Variants in SCGB2A1 observed in about 807,000 individuals in gnomAD.
SCGB2A1 encodes the protein mammaglobin-B.
SCGB2A1 carries 6 observed loss-of-function variants against 9.2 expected under a neutral mutation model. The observed-to-expected ratio is 0.66, with a 90% CI of 0.36 to 1.29. The LOEUF (loss-of-function observed/expected upper bound fraction) is 1.29, where lower values mean the gene tolerates loss of function less well. SCGB2A1 is among the 50% of genes most tolerant of loss of function. SCGB2A1 has a pLI of 0.03. For missense variants in SCGB2A1, 138 were observed against 116.9 expected (o/e 1.18, Z -0.83); for synonymous variants, 37 against 41.0 (o/e 0.90, Z 0.37).
At chr11:62,211,411 T>A (rs12287330) in intron 2 of SCGB2A1, among the ~76,000 whole-genome samples, 4,181 of 151,830 alleles carry the variant, frequency 0.028, 190 homozygotes, top group African/African-American at 0.096. Flanking sequence ...AAGAAAAAAA[T>A]TTTTTTGAGA....
At chr11:62,209,635 ATGTGTGTGTGTGTGTGTGTGTGTGTGTG>A (rs60357410) in intron 1 of SCGB2A1, among the ~76,000 whole-genome samples, 1 of 142,104 alleles carries the variant, frequency 7.0e-6, no homozygotes, top group Non-Finnish European at 1.5e-5. Flanking sequence ...TTTCACATTC[ATGTGTGTGTGTGTGTGTGTGTGTGTGTG>A]TGTGTGTGTG....
At position 62,211,930 on chromosome 11, in the gene SCGB2A1, C is replaced by T. The variant is rs949457410; in HGVS notation, c.243+1330C>T. ...GTTACGAGTTTTGTTTTTTGTTTTTCGTTTTTTTCGAGATGGAGTTTAGCT... is the reference window on the plus strand; with the variant it reads ...GTTACGAGTTTTGTTTTTTGTTTTTTGTTTTTTTCGAGATGGAGTTTAGCT... On this transcript the variant is annotated intron_variant, in intron 2 of 2. Coordinates refer to ENST00000244930, the MANE Select transcript of SCGB2A1 (RefSeq NM_002407.3). Among the ~76,000 whole-genome samples, 10 of 151,798 alleles carry T rather than the reference C, an allele frequency of 6.6e-5. No homozygotes were observed. In the East Asian group the frequency reaches 1.6e-3, roughly 24 times the overall value.
chr11:62,212,953 T>C (rs560812292), intron 2 of SCGB2A1, among the ~76,000 whole-genome samples: 184 of 84,306 alleles, frequency 2.2e-3, no homozygotes, highest in African/African-American at 5.1e-3. Flanking sequence ...TGTACACACA[T>C]ATGTACACAT....
At chr11:62,213,092 A>ACG in intron 2 of SCGB2A1, among the ~76,000 whole-genome samples, 1 of 5,582 alleles carries the variant, frequency 1.8e-4, no homozygotes, top group South Asian at 0.071. Flanking sequence ...ATATATACAC[A>ACG]TATATATATA....
At position 62,213,101 on chromosome 11, in the gene SCGB2A1, TATATA is replaced by T. The variant is rs1565121600; in HGVS notation, c.244-624_244-620del. 2.0e-3 allele frequency among the ~76,000 whole-genome samples: 83 copies of T among 42,304 alleles called. 7 individuals are homozygous for T. The highest frequency in any genetic ancestry group is 4.0e-3 in the African/African-American group (79 of 19,620). The allele number at this position is 42,304 out of a possible 152,430, so 27.8% of individuals were successfully genotyped here. A position where few individuals can be genotyped will look rare whatever the true frequency, so the allele number is the denominator to read the frequency against. On this transcript the variant is annotated intron_variant, in intron 2 of 2. Transcript: ENST00000244930. ...ATACACATATATACACATATATATA[TATATA>T]TTTTTTTTTTTGTAGAGATGGCATT...
rs1944819583 is a variant in SCGB2A1 at position 62,210,407 on chromosome 11, T to C, written c.56-6T>C. ...GTGTCTTTTTTTTTTTTTTTTTTTT[T>C]TCCAGATTCTGGCTGCAAACTCCTG... On this transcript the variant is annotated splice_region_variant and splice_polypyrimidine_tract_variant and intron_variant, in intron 1 of 2. Coordinates refer to ENST00000244930, the MANE Select transcript of SCGB2A1 (RefSeq NM_002407.3). The C allele has an allele frequency of 3.3e-6, 5 of 1,507,830 alleles. No individual in the cohort carries two copies. Among genetic ancestry groups the C allele is most frequent in the South Asian group, 1.4e-5 (1 of 73,428 alleles). The allele number at this position is 1,507,830 out of a possible 1,614,324, so 93.4% of individuals were successfully genotyped here. A position where few individuals can be genotyped will look rare whatever the true frequency, so the allele number is the denominator to read the frequency against.
chr11:62,212,909 C>CAT (rs142068186), intron 2 of SCGB2A1, among the ~76,000 whole-genome samples: 4 of 144,038 alleles, frequency 2.8e-5, no homozygotes, highest in African/African-American at 5.7e-5. Context: ...CATATATATA[C>CAT]ATATATATAC....
intron 2 of SCGB2A1, among the ~76,000 whole-genome samples, chr11:62,213,179 GC>G (rs1167343922): frequency 1.4e-5 from 2 of 145,550 alleles, no homozygotes; most frequent in Non-Finnish European, 3.0e-5. Context: ...CAAGCAATCT[GC>G]CCTCCTTGGC....
At chr11:62,210,294 C>T (rs1944818102) in intron 1 of SCGB2A1, 119 bp from the exon 2 acceptor site, 2 of 1,257,098 alleles carry the variant, frequency 1.6e-6, no homozygotes, top group Middle Eastern at 2.5e-4. Context: ...CTTTCTGAAC[C>T]TCGGTCTGTC....
chr11:62,209,145 G>A (rs923461376), intron 1 of SCGB2A1, among the ~76,000 whole-genome samples: 2 of 152,156 alleles, frequency 1.3e-5, no homozygotes, highest in African/African-American at 4.8e-5. Flanking sequence ...GGGTCTCCTT[G>A]AATATGGAAC....
chr11:62,213,675 G>T, intron 2 of SCGB2A1, 51 bp from the exon 3 acceptor site: 1 of 1,546,642 alleles, frequency 6.5e-7, no homozygotes, highest in South Asian at 1.2e-5. Context: ...TTTAATATTT[G>T]ATTTAATAAG....
chr11:62,210,352 A>G, intron 1 of SCGB2A1, 61 bp from the exon 2 acceptor site: 1 of 1,524,108 alleles, frequency 6.6e-7, no homozygotes. Context: ...TGTAGAATGA[A>G]TCACACCTCT....
Position 62,210,519 on chromosome 11 carries a change from C to A in SCGB2A1, c.162C>A (p.Ala54=), listed in dbSNP as rs577371953. The A allele has an allele frequency of 1.9e-6, 3 of 1,594,890 alleles. No individual in the cohort carries two copies. The highest frequency in any genetic ancestry group is 2.6e-6 in the Non-Finnish European group (3 of 1,173,490). ...ELLQEFIDSD[A]AAEAMGKFKQ... Reference sequence around the variant, plus strand: ...TTCAAGAGTTCATAGACAGTGATGCCGCTGCAGAGGCTATGGGGAAATTCA... The same window carrying A: ...TTCAAGAGTTCATAGACAGTGATGCAGCTGCAGAGGCTATGGGGAAATTCA... Residue 54 remains alanine, a synonymous_variant, in exon 2 of 3, where the codon GCC becomes GCA. Transcript: ENST00000244930.
intron 2 of SCGB2A1, among the ~76,000 whole-genome samples, chr11:62,212,537 A>G (rs1944838726): frequency 6.6e-6 from 1 of 151,884 alleles, no homozygotes; most frequent in Non-Finnish European, 1.5e-5. Flanking sequence ...TGGGTGGCTG[A>G]GGCAGAAGAA....
rs1590654031 is a variant in SCGB2A1, at chr11:62,209,678, T to TGTGTGTGTGTGTG, written c.56-735_56-734insGTGTGTGTGTGTG. Among the ~76,000 whole-genome samples, 9 of 147,346 alleles carry TGTGTGTGTGTGTG rather than the reference T, an allele frequency of 6.1e-5. No homozygotes were observed. In the East Asian group the frequency reaches 7.9e-4, roughly 13 times the overall value. ...GTGTGTGTGTGTGTGTGTGTGTGTGTTTGAGACAGGGTCTTGCTCTGTCAC... is the reference window on the plus strand; with the variant it reads ...GTGTGTGTGTGTGTGTGTGTGTGTGTGTGTGTGTGTGTGTTGAGACAGGGTCTTGCTCTGTCAC... On this transcript the variant is annotated intron_variant, in intron 1 of 2. Transcript: ENST00000244930.
At chr11:62,211,517 A>G (rs935737973) in intron 2 of SCGB2A1, among the ~76,000 whole-genome samples, 1 of 152,052 alleles carries the variant, frequency 6.6e-6, no homozygotes, top group African/African-American at 2.4e-5. Flanking sequence ...CTTGTGCCTC[A>G]GACTCTCAGG....
In SCGB2A1 at chr11:62,208,799, C is replaced by CAG. The variant is rs1430079727; in HGVS notation, c.55+18_55+19dup. ...CACTGCTATGCAGGTGAGTTCTGGG[C>CAG]AGAGAGGGCTGCTTCTGGGCTAGGA... On this transcript the variant is annotated intron_variant, in intron 1 of 2. Coordinates refer to ENST00000244930, the MANE Select transcript of SCGB2A1 (RefSeq NM_002407.3). The CAG allele has an allele frequency of 1.2e-6, 2 of 1,611,700 alleles. No homozygotes were observed. The highest frequency in any genetic ancestry group is 2.7e-5 in the African/African-American group (2 of 74,874).
At chr11:62,209,757 C>A (rs760559210) in intron 1 of SCGB2A1, among the ~76,000 whole-genome samples, 2 of 151,994 alleles carry the variant, frequency 1.3e-5, no homozygotes, top group Admixed American at 1.3e-4. Flanking sequence ...TCACTGCAAC[C>A]TCTTCCTCGA....
In SCGB2A1 at chr11:62,210,315, C is replaced by T. The variant is rs746105297; in HGVS notation, c.56-98C>T. 21 of 1,430,836 alleles carry T rather than the reference C, an allele frequency of 1.5e-5. No individual in the cohort carries two copies. The African/African-American group carries it at 1.9e-4, about 13-fold the overall frequency. The allele number at this position is 1,430,836 out of a possible 1,614,324, so 88.6% of individuals were successfully genotyped here. On this transcript the variant is annotated intron_variant, in intron 1 of 2. Coordinates refer to ENST00000244930, the MANE Select transcript of SCGB2A1 (RefSeq NM_002407.3). The stretch of plus-strand genomic sequence containing the variant: ...GAACCTCGGTCTGTCCCTGGAGGTA[C>T]GAAGATAGCCAGCTTCCCAATTCAT...
Sources: allele counts gnomAD v4.1 joint callset (sites outside exome capture counted in the v4.1 genomes callset), GRCh38; gene constraint gnomAD v4.1.1; transcripts MANE v1.5; gene names NCBI Gene and HGNC (gene_info 2026-07-23, HGNC 2026-07-21).